SLC17A3: variants seen among roughly 807,000 people sequenced by gnomAD.
SLC17A3 encodes the protein solute carrier family 17 member 3.
A neutral mutation model predicts 60.3 loss-of-function variants in SLC17A3; 61 were observed. The observed-to-expected ratio is 1.01, with a 90% confidence interval of 0.82 to 1.25. The LOEUF (loss-of-function observed/expected upper bound fraction) is 1.25, where lower values mean the gene tolerates loss of function less well. Ranked by LOEUF, SLC17A3 falls within the 50% of genes most tolerant of loss-of-function variation. The pLI, the probability that SLC17A3 is intolerant of heterozygous loss-of-function variation, is 0.00. For missense variants in SLC17A3, 624 were observed against 594.9 expected (o/e 1.05, Z -0.51); for synonymous variants, 192 against 208.9 (o/e 0.92, Z 0.70).
chr6:25,858,005 C>T (rs1420843849), intron 5 of SLC17A3, among the ~76,000 whole-genome samples: 1 of 152,118 alleles, frequency 6.6e-6, no homozygotes, highest in East Asian at 1.9e-4. Context: ...AGTACACAAG[C>T]ATATGTTATT....
chr6:25,872,220 A>G (rs1212424313), intron 1 of SLC17A3, among the ~76,000 whole-genome samples: 1 of 151,196 alleles, frequency 6.6e-6, no homozygotes, highest in South Asian at 2.1e-4. Flanking sequence ...TTGTATCTAT[A>G]TGGTGGGAAT....
At chr6:25,866,561 T>C (rs968140715) in intron 2 of SLC17A3, among the ~76,000 whole-genome samples, 3 of 151,920 alleles carry the variant, frequency 2.0e-5, no homozygotes, top group African/African-American at 4.8e-5. Context: ...ACTATGTTTA[T>C]GGTAATATGC....
intron 1 of SLC17A3, among the ~76,000 whole-genome samples, chr6:25,868,891 G>T (rs892425198): frequency 2.6e-5 from 4 of 151,920 alleles, no homozygotes; most frequent in African/African-American, 7.2e-5. Context: ...AGCTACCATA[G>T]CAGTGGGTCA....
chr6:25,865,983 T>G (rs1417458726), intron 2 of SLC17A3, among the ~76,000 whole-genome samples: 2 of 152,006 alleles, frequency 1.3e-5, no homozygotes, highest in African/African-American at 2.4e-5. Flanking sequence ...GTACTCAGAA[T>G]CCAGAAAGCT....
At chr6:25,860,827 G>A (rs1191188669) in intron 5 of SLC17A3, among the ~76,000 whole-genome samples, 1 of 152,086 alleles carries the variant, frequency 6.6e-6, no homozygotes, top group African/African-American at 2.4e-5. Flanking sequence ...TGATTTTCTT[G>A]TGCTGTATTC....
intron 1 of SLC17A3, among the ~76,000 whole-genome samples, chr6:25,868,779 A>C (rs1376740495): frequency 1.3e-5 from 2 of 151,942 alleles, no homozygotes; most frequent in Non-Finnish European, 2.9e-5. Context: ...CATCTTCATC[A>C]AAAAGTTGCT....
intron 2 of SLC17A3, among the ~76,000 whole-genome samples, chr6:25,863,128 G>C (rs933758635): frequency 6.6e-6 from 1 of 151,946 alleles, no homozygotes; most frequent in African/African-American, 2.4e-5. Context: ...CAACTAAAAC[G>C]CAGAAATCTC....
chr6:25,847,327 G>T (rs1374264901), intron 11 of SLC17A3, among the ~76,000 whole-genome samples: 1 of 152,152 alleles, frequency 6.6e-6, no homozygotes, highest in African/African-American at 2.4e-5. Context: ...GGGCATTTAG[G>T]TTGATTCCAT....
chr6:25,861,009 T>A (rs1380187591), intron 5 of SLC17A3, among the ~76,000 whole-genome samples: 1 of 152,184 alleles, frequency 6.6e-6, no homozygotes, highest in Non-Finnish European at 1.5e-5. Context: ...TACTCATAAA[T>A]TACCTGGAGA....
chr6:25,850,511 A>G lies in SLC17A3; in HGVS notation c.941T>C (p.Val314Ala). 1 of 1,613,932 alleles carries G rather than the reference A, an allele frequency of 6.2e-7. No homozygotes were observed. Residue 314 changes from valine (V) to alanine (A), a missense_variant, in exon 8 of 13, where the codon GTT becomes GCT. Transcript: ENST00000397060. Reference sequence around the variant, plus strand: ...GCTGATGTAAGTTGGTATGTATACAACCATTGTGCTAACTAACCATTGATG... The same window carrying G: ...GCTGATGTAAGTTGGTATGTATACAGCCATTGTGCTAACTAACCATTGATG... Reference protein sequence around the residue: ...FSHQWLVSTMVVYIPTYISSV... With the variant: ...FSHQWLVSTMAVYIPTYISSV...
chr6:25,868,961 C>G (rs1765586072), intron 1 of SLC17A3, among the ~76,000 whole-genome samples: 1 of 151,914 alleles, frequency 6.6e-6, no homozygotes, highest in Non-Finnish European at 1.5e-5. Context: ...GCTTCTACTA[C>G]CCCTGACAAC....
In SLC17A3 at chr6:25,872,583, CAT is replaced by C. The variant is rs3034382; in HGVS notation, c.-34+1582_-34+1583del. 6.4e-4 allele frequency among the ~76,000 whole-genome samples: 93 copies of C among 146,354 alleles called. 2 individuals are homozygous for C. Among genetic ancestry groups the C allele is most frequent in the Non-Finnish European group, 3.4e-4 (23 of 66,816 alleles). ...TTACTATATATATGTATATTTTATA[CAT>C]ATATATATATTTATATATATAATGA... is the stretch of plus-strand genomic sequence containing the variant. On this transcript the variant is annotated intron_variant, in intron 1 of 12. Coordinates refer to ENST00000397060, the MANE Select transcript of SLC17A3 (RefSeq NM_001098486.2).
intron 6 of SLC17A3, among the ~76,000 whole-genome samples, chr6:25,853,418 T>TG (rs1344083241): frequency 1.5e-5 from 2 of 135,478 alleles, no homozygotes; most frequent in Admixed American, 7.4e-5. Context: ...TTTTTTTTTT[T>TG]TTTTTTTTTT....
Position 25,861,998 on chromosome 6 carries a change from T to C in SLC17A3, c.335A>G (p.Gln112Arg), listed in dbSNP as rs1454560611. 2 of 1,609,690 alleles carry C rather than the reference T, an allele frequency of 1.2e-6. No homozygotes were observed. Among genetic ancestry groups the C allele is most frequent in the Non-Finnish European group, 1.7e-6 (2 of 1,178,058 alleles). ...APVYDWSPQI[Q>R]GIIFGAVGYG... ...GCCAACAGCACCAAAGATGATGCCT[T>C]GGATTTGAGGAGACCAGTCATACAC... The change falls in exon 4 of 13, where the codon CAA becomes CGA. Residue 112 changes from glutamine to arginine, a missense_variant. Gln to Arg is a conservative substitution (Grantham distance 43). Transcript: ENST00000397060.
chr6:25,871,185 T>G (rs1435198737), intron 1 of SLC17A3, among the ~76,000 whole-genome samples: 1 of 152,068 alleles, frequency 6.6e-6, no homozygotes, highest in African/African-American at 2.4e-5. Context: ...AAGACACATG[T>G]ACACGAATGT....
intron 5 of SLC17A3, among the ~76,000 whole-genome samples, chr6:25,857,592 C>G (rs1347374844): frequency 1.3e-5 from 2 of 151,216 alleles, no homozygotes; most frequent in Non-Finnish European, 2.9e-5. Context: ...CACTTATTTA[C>G]TTGTGTTGCC....
chr6:25,853,265 T>TTC (rs1181893477), intron 6 of SLC17A3, among the ~76,000 whole-genome samples: 32 of 147,526 alleles, frequency 2.2e-4, no homozygotes, highest in South Asian at 6.5e-4. Context: ...TTTCTTTCCT[T>TTC]TCTCTCTCTC....
chr6:25,869,859 A>C (rs1178674949), intron 1 of SLC17A3, among the ~76,000 whole-genome samples: 1 of 151,952 alleles, frequency 6.6e-6, no homozygotes, highest in Non-Finnish European at 1.5e-5. Context: ...AGGAATTATA[A>C]AGTATGTACT....
At chr6:25,847,304 A>G (rs1765194751) in intron 11 of SLC17A3, among the ~76,000 whole-genome samples, 1 of 152,148 alleles carries the variant, frequency 6.6e-6, no homozygotes, top group Non-Finnish European at 1.5e-5. Flanking sequence ...TCTTTATCCA[A>G]TCTGTCATTG....
Sources: allele counts gnomAD v4.1 joint callset (sites outside exome capture counted in the v4.1 genomes callset), GRCh38; gene constraint gnomAD v4.1.1; transcripts MANE v1.5; gene names NCBI Gene and HGNC (gene_info 2026-07-23, HGNC 2026-07-21).